Variants in VPS13B observed in about 807,000 individuals in gnomAD.
VPS13B encodes intermembrane lipid transfer protein VPS13B.
In VPS13B, 285 loss-of-function variants were observed where a neutral mutation model predicts 426.4. The observed-to-expected ratio is 0.67, with a 90% CI of 0.61 to 0.74. The LOEUF is 0.74. VPS13B is among the 30% of genes least tolerant of loss of function. The pLI, the probability that VPS13B is intolerant of heterozygous loss-of-function variation, is 0.00. For synonymous variants in VPS13B, 1,676 were observed against 1,676.4 expected (o/e 1.00, Z 0.01); for missense variants, 4,537 against 4,782.6 (o/e 0.95, Z 1.51).
chr8:99,875,387 G>A (rs1300169569), intron 61 of VPS13B, 31 bp from the exon 62 acceptor site: 1 of 1,613,982 alleles, frequency 6.2e-7, no homozygotes, highest in South Asian at 1.1e-5. Context: ...TAAGGGTCTG[G>A]CAACTAATCT....
Position 99,089,426 on chromosome 8 carries a change from G to C in VPS13B, c.292-6886G>C, listed in dbSNP as rs1846025810. Among the ~76,000 whole-genome samples, 3 of 152,048 alleles carry C rather than the reference G, an allele frequency of 2.0e-5. 1 individual carries two copies. The South Asian group carries it at 6.2e-4, about 32-fold the overall frequency. On this transcript the variant is annotated intron_variant, in intron 3 of 61. Transcript: ENST00000357162. ...CGTCCTGATGACGTGTGCCCAAGGT[G>C]GTCAGGCTACACCTTGGTTTTGTGC...
At chr8:99,725,890 T>G (rs1166651302) in intron 39 of VPS13B, among the ~76,000 whole-genome samples, 3 of 152,202 alleles carry the variant, frequency 2.0e-5, no homozygotes, top group Non-Finnish European at 2.9e-5. Context: ...CAGTAGCTAA[T>G]TCTTAAATAC....
chr8:99,043,128 A>G (rs1160379612), intron 3 of VPS13B, among the ~76,000 whole-genome samples: 2 of 151,880 alleles, frequency 1.3e-5, no homozygotes, highest in African/African-American at 2.4e-5. Flanking sequence ...CCATACTTTC[A>G]CAGGACGAAG....
At chr8:99,670,492 C>A (rs1242639608) in intron 35 of VPS13B, among the ~76,000 whole-genome samples, 1 of 151,952 alleles carries the variant, frequency 6.6e-6, no homozygotes, top group Non-Finnish European at 1.5e-5. Context: ...GTGGTGAGAA[C>A]CCATAAGATC....
At chr8:99,166,209 G>A (rs1228941359) in intron 15 of VPS13B, among the ~76,000 whole-genome samples, 1 of 152,100 alleles carries the variant, frequency 6.6e-6, no homozygotes, top group Non-Finnish European at 1.5e-5. Context: ...TTGAACTCCT[G>A]AGCTCGTGAT....
chr8:99,678,266 C>A (rs918559330), intron 35 of VPS13B, among the ~76,000 whole-genome samples: 1 of 152,112 alleles, frequency 6.6e-6, no homozygotes, highest in Non-Finnish European at 1.5e-5. Context: ...TATTTCAAGT[C>A]CTTCTACTTT....
chr8:99,821,048 G>T (rs1194924558), intron 49 of VPS13B, among the ~76,000 whole-genome samples: 1 of 101,940 alleles, frequency 9.8e-6, no homozygotes, highest in African/African-American at 3.9e-5. Context: ...TCCATTGTGA[G>T]TAAAAAAAAA....
intron 4 of VPS13B, among the ~76,000 whole-genome samples, chr8:99,099,867 A>T (rs1040738889): frequency 5.9e-5 from 9 of 152,196 alleles, no homozygotes; most frequent in African/African-American, 2.2e-4. Flanking sequence ...GGTAGATAAT[A>T]AGAATTTCTG....
intron 17 of VPS13B, among the ~76,000 whole-genome samples, chr8:99,220,385 C>T (rs1036926362): frequency 6.6e-6 from 1 of 152,118 alleles, no homozygotes; most frequent in African/African-American, 2.4e-5. Flanking sequence ...TAATTTAAGA[C>T]ATATTAATTT....
chr8:99,467,379 T>G, intron 23 of VPS13B, 35 bp from the exon 24 acceptor site: 1 of 1,585,692 alleles, frequency 6.3e-7, no homozygotes, highest in Non-Finnish European at 8.7e-7. Flanking sequence ...TTTTTGTTTG[T>G]GTGCTTCCCT....
chr8:99,664,043 A>G (rs1030004719), intron 35 of VPS13B, among the ~76,000 whole-genome samples: 6 of 145,856 alleles, frequency 4.1e-5, no homozygotes, highest in Non-Finnish European at 7.5e-5. Flanking sequence ...GTCTCATTCT[A>G]TCACCCAGGC....
At chr8:99,777,091 C>A in intron 41 of VPS13B, 135 bp downstream of exon 41, 1 of 1,131,684 alleles carries the variant, frequency 8.8e-7, no homozygotes, top group Non-Finnish European at 1.3e-6. Flanking sequence ...GCAAAGTTAT[C>A]CTGGGGTTGA....
chr8:99,327,897 C>T (rs1400154411), intron 19 of VPS13B, among the ~76,000 whole-genome samples: 2 of 152,138 alleles, frequency 1.3e-5, no homozygotes, highest in East Asian at 1.9e-4. Context: ...TATTCTCAAA[C>T]AATACACAAA....
At chr8:99,037,277 C>A (rs914441853) in intron 2 of VPS13B, among the ~76,000 whole-genome samples, 1 of 151,494 alleles carries the variant, frequency 6.6e-6, no homozygotes, top group Non-Finnish European at 1.5e-5. Context: ...TAAAAAAAAA[C>A]CCTCTGGTTG....
chr8:99,287,232 GTCTATCTATCTATCTATCTATCTA>G (rs58719967), intron 19 of VPS13B, among the ~76,000 whole-genome samples: 221 of 139,138 alleles, frequency 1.6e-3, no homozygotes, highest in African/African-American at 5.4e-3. Context: ...CTATCTGTCT[GTCTATCTATCTATCTATCTATCTA>G]TCTATCTATC....
chr8:99,034,417 T>A (rs1391065842), intron 2 of VPS13B, among the ~76,000 whole-genome samples: 1 of 151,476 alleles, frequency 6.6e-6, no homozygotes, highest in Admixed American at 6.6e-5. Flanking sequence ...TAAGTCTGTT[T>A]TTTTTTTTTT....
chr8:99,582,822 A>AT (rs947413283), intron 33 of VPS13B, among the ~76,000 whole-genome samples: 12 of 151,832 alleles, frequency 7.9e-5, no homozygotes, highest in African/African-American at 2.4e-4. Flanking sequence ...CGCCCGGCTA[A>AT]TTTTTTGTAT....
chr8:99,737,791 C>G (rs560489359), intron 39 of VPS13B, among the ~76,000 whole-genome samples: 2 of 152,304 alleles, frequency 1.3e-5, no homozygotes, highest in African/African-American at 4.8e-5. Flanking sequence ...ATTCAGAATG[C>G]TGCTAAAGCA....
chr8:99,801,385 A>G (rs1813112339), intron 43 of VPS13B, among the ~76,000 whole-genome samples: 1 of 152,184 alleles, frequency 6.6e-6, no homozygotes, highest in South Asian at 2.1e-4. Context: ...AATGACCAGG[A>G]GTTGTTTTCA....
Sources: gnomAD v4.1 joint callset for allele counts (sites outside exome capture counted in the v4.1 genomes callset) on GRCh38, gnomAD v4.1.1 for gene constraint, MANE v1.5 for transcripts, NCBI Gene and HGNC (gene_info 2026-07-23, HGNC 2026-07-21) for gene names.